The following GYS1 variants were observed in gnomAD, a reference collection of about 807,000 sequenced individuals.
GYS1 encodes glycogen [starch] synthase, muscle.
In GYS1, 60 loss-of-function variants were observed where a neutral mutation model predicts 89.1. The observed-to-expected ratio is 0.67, with a 90% CI of 0.55 to 0.84. GYS1 has a LOEUF of 0.84. Among genes scored for constraint, GYS1 ranks in the 40% least tolerant of loss-of-function variants. GYS1 has a pLI of 0.00. For synonymous variants in GYS1, 366 were observed against 401.7 expected, an observed-to-expected ratio of 0.91 and a Z score of 1.06; for missense variants, 888 against 1,003.1, an observed-to-expected ratio of 0.89 and a Z score of 1.55.
At chr19:48,987,945 G>A (rs904594952) in intron 2 of GYS1, among the ~76,000 whole-genome samples, 4 of 152,108 alleles carry the variant, frequency 2.6e-5, no homozygotes, top group South Asian at 2.1e-4. Flanking sequence ...GGACTACAGC[G>A]GCCCGCCACC....
intron 5 of GYS1, 83 bp from the exon 6 acceptor site, chr19:48,982,920 C>A: frequency 9.4e-7 from 1 of 1,062,006 alleles, no homozygotes; most frequent in South Asian, 1.3e-5. Flanking sequence ...AAGAAAACAC[C>A]CTTTGCCTTT....
rs143258059 is a variant in GYS1, at chr19:48,972,539, C to T, written c.1550-1516G>A. 4.8e-3 allele frequency among the ~76,000 whole-genome samples: 725 copies of T among 152,100 alleles called. 5 individuals carry two copies. Among genetic ancestry groups the T allele is most frequent in the Middle Eastern group, 0.024 (7 of 294 alleles). On this transcript the variant is annotated intron_variant, in intron 12 of 15. Transcript: ENST00000323798. ...TGTCGCCCAGGCTGGAGTGCAGTGG[C>T]GCGATCTCAGCTCACTGCAATCTCT...
intron 5 of GYS1, among the ~76,000 whole-genome samples, chr19:48,983,925 GCTGTAGTTC>G (rs1436217378): frequency 6.6e-6 from 1 of 152,204 alleles, no homozygotes; most frequent in Non-Finnish European, 1.5e-5. Flanking sequence ...CCTTCTGGGA[GCTGTAGTTC>G]TCTATTCTTT....
At position 48,969,830 on chromosome 19, in the gene GYS1, G is replaced by A. The variant is rs773394859; in HGVS notation, c.1835C>T (p.Ala612Val). The A allele has an allele frequency of 6.2e-7, 1 of 1,613,710 alleles. No homozygotes were observed. The highest frequency in any genetic ancestry group is 8.5e-7 in the Non-Finnish European group (1 of 1,179,798). Reference sequence around the variant, plus strand: ...GTGCTCTGGAAAGGCCTTGGACAGCGCCATGTGGCGCGCAGACATATAGTA... The same window carrying A: ...GTGCTCTGGAAAGGCCTTGGACAGCACCATGTGGCGCGCAGACATATAGTA... ...GRYYMSARHM[A>V]LSKAFPEHFT... The change falls in exon 15 of 16, where the codon GCG becomes GTG. Residue 612 changes from alanine to valine, a missense_variant. Coordinates refer to ENST00000323798, the MANE Select transcript of GYS1 (RefSeq NM_002103.5).
rs760164673 is a variant in GYS1, at chr19:48,975,911, CAAAAAAAAA to C, written c.1309-1187_1309-1179del. 7.1e-3 allele frequency among the ~76,000 whole-genome samples: 294 copies of C among 41,362 alleles called. 3 individuals are homozygous for C. The highest frequency in any genetic ancestry group is 0.025 in the African/African-American group (284 of 11,358). The allele number at this position is 41,362 out of a possible 152,430, so 27.1% of individuals were successfully genotyped here. On this transcript the variant is annotated intron_variant, in intron 10 of 15. Coordinates refer to ENST00000323798, the MANE Select transcript of GYS1 (RefSeq NM_002103.5). ...TGGGCGACAGAGCGAGACTCCGTCT[CAAAAAAAAA>C]AAAAAAAAAAAAAAAGAAGAAAAAA... is the stretch of plus-strand genomic sequence containing the variant.
At chr19:48,974,057 T>C (rs2038606244) in intron 12 of GYS1, among the ~76,000 whole-genome samples, 156 bp downstream of exon 12, 1 of 152,204 alleles carries the variant, frequency 6.6e-6, no homozygotes, top group African/African-American at 2.4e-5. Context: ...AGCTATTGTA[T>C]CACAAAAGCA....
chr19:48,982,812 A>G lies in GYS1; in HGVS notation c.849T>C (p.Asn283=), dbSNP rs2038787672. 6.2e-7 allele frequency: 1 copy of G among 1,610,484 alleles called. No individual in the cohort carries two copies. Among genetic ancestry groups the G allele is most frequent in the Admixed American group, 1.7e-5 (1 of 59,998 alleles). ...KPDIVTPNGL[N]VKKFSAMHEF... ...CATGCATGGCAGAAAACTTCTTCACATTCAGCCCATTGGGGGTCACAATAT... is the reference window on the plus strand; with the variant it reads ...CATGCATGGCAGAAAACTTCTTCACGTTCAGCCCATTGGGGGTCACAATAT... Residue 283 remains asparagine, a synonymous_variant, in exon 6 of 16, where the codon AAT becomes AAC. Coordinates refer to ENST00000323798, the MANE Select transcript of GYS1 (RefSeq NM_002103.5).
chr19:48,974,481 G>T, intron 11 of GYS1, 139 bp downstream of exon 11: 1 of 1,090,954 alleles, frequency 9.2e-7, no homozygotes. Context: ...ACCCAGGTCT[G>T]CCTGCCTCAG....
Position 48,968,160 on chromosome 19 carries a change from C to T in GYS1, c.*1128G>A, listed in dbSNP as rs1262389508. 1.8e-5 allele frequency: 8 copies of T among 449,506 alleles called. No individual in the cohort carries two copies. Among genetic ancestry groups the T allele is most frequent in the South Asian group, 7.8e-5 (5 of 64,058 alleles). 27.8% of individuals were successfully genotyped at this position (449,506 alleles called of 1,614,324 possible). ...AAATATAGATGTATTTTTTTCATCT[C>T]ATCTCCGGACACACTCCAATCACAC... On this transcript the variant is annotated 3_prime_UTR_variant, in exon 16 of 16. Coordinates refer to ENST00000323798, the MANE Select transcript of GYS1 (RefSeq NM_002103.5).
Position 48,993,023 on chromosome 19 carries a change from G to T in GYS1, c.90C>A (p.Phe30Leu). The change falls in exon 1 of 16, where the codon TTC becomes TTA. Residue 30 changes from phenylalanine (F) to leucine (L), a missense_variant. Physicochemically the swap from Phe to Leu is conservative, Grantham distance 22 (BLOSUM62 0). Coordinates refer to ENST00000323798, the MANE Select transcript of GYS1 (RefSeq NM_002103.5). ...DEFDLENAVL[F>L]EVAWEVANKV... ...TGTTAGCCACCTCCCAGGCCACTTC[G>T]AAGAGCACTGCGTTCTCCAGGTCGA... 1 of 1,611,446 alleles carries T rather than the reference G, an allele frequency of 6.2e-7. No homozygotes were observed. The highest frequency in any genetic ancestry group is 8.5e-7 in the Non-Finnish European group (1 of 1,177,660).
At chr19:48,983,383 C>T (rs1477853469) in intron 5 of GYS1, among the ~76,000 whole-genome samples, 1 of 152,182 alleles carries the variant, frequency 6.6e-6, no homozygotes, top group Non-Finnish European at 1.5e-5. Flanking sequence ...TAAGTCTCCT[C>T]AGCTACTGCA....
intron 8 of GYS1, among the ~76,000 whole-genome samples, chr19:48,979,759 G>C (rs1014976888): frequency 6.7e-6 from 1 of 148,432 alleles, no homozygotes; most frequent in Admixed American, 6.9e-5. Context: ...CGATTCTCCT[G>C]CTTAGCCTCT....
intron 1 of GYS1, 132 bp downstream of exon 1, chr19:48,992,863 C>T: frequency 2.8e-6 from 2 of 704,570 alleles, no homozygotes; most frequent in Non-Finnish European, 5.2e-6. Flanking sequence ...CCAGCCCCTC[C>T]TCAAGGACAC....
chr19:48,969,787 G>A lies in GYS1; in HGVS notation c.1878C>T (p.Asn626=), dbSNP rs755709141. The part of the protein sequence containing the change: ...AFPEHFTYEP[N]EADAAQGYRY... Reference sequence around the variant, plus strand: ...AGGGTCCACTCACCGCATCCGCCTCGTTGGGCTCGTAGGTGAAGTGCTCTG... The same window carrying A: ...AGGGTCCACTCACCGCATCCGCCTCATTGGGCTCGTAGGTGAAGTGCTCTG... The change falls in exon 15 of 16, where the codon AAC becomes AAT. Residue 626 remains asparagine, a synonymous_variant. Transcript: ENST00000323798. 8 of 1,613,740 alleles carry A rather than the reference G, an allele frequency of 5.0e-6. No homozygotes were observed. Among genetic ancestry groups the A allele is most frequent in the East Asian group, 2.2e-5 (1 of 44,898 alleles).
chr19:48,975,099 T>C (rs2038624917), intron 10 of GYS1, among the ~76,000 whole-genome samples: 1 of 151,870 alleles, frequency 6.6e-6, no homozygotes, highest in South Asian at 2.1e-4. Flanking sequence ...CCCGGTTAAT[T>C]TTTTGTATTT....
chr19:48,977,971 C>A lies in GYS1; in HGVS notation c.1261G>T (p.Asp421Tyr), dbSNP rs763908374. The A allele has an allele frequency of 1.2e-6, 2 of 1,613,970 alleles. No individual in the cohort carries two copies. Among genetic ancestry groups the A allele is most frequent in the Non-Finnish European group, 1.7e-6 (2 of 1,179,954 alleles). ...TTCATCATAGTGAAGTCTTCCTTAT[C>A]CAGCATCTTGTTCATGTCGGGAAGG... ...GSLPDMNKML[D>Y]KEDFTMMKRA... Residue 421 changes from aspartate (D) to tyrosine (Y), a missense_variant, in exon 10 of 16, where the codon GAT (aspartate) becomes TAT (tyrosine). By Grantham distance (160) the Asp-to-Tyr change is radical. Coordinates refer to ENST00000323798, the MANE Select transcript of GYS1 (RefSeq NM_002103.5).
rs777317678 is a variant in GYS1, at chr19:48,981,509, G to A, written c.1169+21C>T. 38 of 1,377,224 alleles carry A rather than the reference G, an allele frequency of 2.8e-5. 1 individual carries two copies. Among genetic ancestry groups the A allele is most frequent in the African/African-American group, 1.4e-5 (1 of 70,524 alleles). 85.3% of individuals were successfully genotyped at this position (1,377,224 alleles called of 1,614,324 possible). A position where few individuals can be genotyped will look rare whatever the true frequency, so the allele number is the denominator to read the frequency against. ...CATCTGGGAGTGGGCTGCGCCAGGG[G>A]CCGGAGCGAGGGCTGCTAACCAAAG... On this transcript the variant is annotated intron_variant, in intron 8 of 15. Coordinates refer to ENST00000323798, the MANE Select transcript of GYS1 (RefSeq NM_002103.5).
At chr19:48,984,813 G>A (rs1446628655) in intron 5 of GYS1, among the ~76,000 whole-genome samples, 2 of 151,846 alleles carry the variant, frequency 1.3e-5, no homozygotes, top group Non-Finnish European at 2.9e-5. Flanking sequence ...CCTGGGAGGC[G>A]GAGCTTACAG....
At chr19:48,984,864 G>A (rs2038817510) in intron 5 of GYS1, among the ~76,000 whole-genome samples, 1 of 151,918 alleles carries the variant, frequency 6.6e-6, no homozygotes, top group Non-Finnish European at 1.5e-5. Flanking sequence ...CTGGGCGACA[G>A]AGCGAGACTC....
Sources: allele counts gnomAD v4.1 joint callset (sites outside exome capture counted in the v4.1 genomes callset), GRCh38; gene constraint gnomAD v4.1.1; transcripts MANE v1.5; gene names NCBI Gene and HGNC (gene_info 2026-07-23, HGNC 2026-07-21).